The following STK11 variants were observed in gnomAD, a reference collection of about 807,000 sequenced individuals.
STK11 encodes the protein serine/threonine kinase 11.
A neutral mutation model predicts 47.3 loss-of-function variants in STK11; 8 were observed. The observed-to-expected ratio is 0.17, with a 90% CI of 0.10 to 0.31. The LOEUF is 0.31. Ranked by LOEUF, STK11 falls within the 10% of genes least tolerant of loss-of-function variation. The pLI, the probability that STK11 is intolerant of heterozygous loss-of-function variation, is 1.00. For synonymous variants in STK11, 330 were observed against 255.8 expected (o/e 1.29, Z -2.77); for missense variants, 475 against 605.0 (o/e 0.79, Z 2.25).
chr19:1,216,435 C>G lies in STK11; in HGVS notation c.291-1982C>G, dbSNP rs185190984. The stretch of plus-strand genomic sequence containing the variant: ...TCTCTACTAAAAATACAAAAATTAG[C>G]TGGGCGTGGTTGCGGGCACCTGTAG... On this transcript the variant is annotated intron_variant, in intron 1 of 9. Coordinates refer to ENST00000326873, the MANE Select transcript of STK11 (RefSeq NM_000455.5). 1.6e-4 allele frequency: 26 copies of G among 159,746 alleles called. No homozygotes were observed. The East Asian group carries it at 3.6e-3, about 22-fold the overall frequency. 9.9% of individuals were successfully genotyped at this position (159,746 alleles called of 1,614,324 possible).
intron 3 of STK11, 99 bp downstream of exon 3, chr19:1,219,512 T>C: frequency 7.6e-7 from 1 of 1,307,342 alleles, no homozygotes; most frequent in Non-Finnish European, 1.0e-6. Context: ...TGATATTCAT[T>C]GACATGAAGG....
At chr19:1,215,117 G>A (rs960057206) in intron 1 of STK11, among the ~76,000 whole-genome samples, 4 of 152,154 alleles carry the variant, frequency 2.6e-5, no homozygotes, top group East Asian at 1.9e-4. Flanking sequence ...GGCCCACCCC[G>A]AGCTCTCCTG....
In STK11 at chr19:1,218,845, C is replaced by T. The variant is rs546343180; in HGVS notation, c.374+345C>T. Among the ~76,000 whole-genome samples, 28 of 152,336 alleles carry T rather than the reference C, an allele frequency of 1.8e-4. 2 individuals carry two copies. In the South Asian group the frequency reaches 5.6e-3, roughly 30 times the overall value. ...CCATTTTGGTCGTGGCTGGGCGTGT[C>T]CTCGTGTCATCTGTGGACACCCCCA... On this transcript the variant is annotated intron_variant, in intron 2 of 9. Coordinates refer to ENST00000326873, the MANE Select transcript of STK11 (RefSeq NM_000455.5).
In STK11 at chr19:1,226,439, C is replaced by T. The variant is rs1057520799; in HGVS notation, c.1109-15C>T. 1.2e-6 allele frequency: 2 copies of T among 1,607,680 alleles called. No homozygotes were observed. Among genetic ancestry groups the T allele is most frequent in the South Asian group, 2.2e-5 (2 of 90,104 alleles). On this transcript the variant is annotated splice_polypyrimidine_tract_variant and intron_variant, in intron 8 of 9. Coordinates refer to ENST00000326873, the MANE Select transcript of STK11 (RefSeq NM_000455.5). ...CGCCCCTCAGCTCAGGCCACACTTGCCGTCTCCCTCCCAGGACAGGTCCCA... is the reference window on the plus strand; with the variant it reads ...CGCCCCTCAGCTCAGGCCACACTTGTCGTCTCCCTCCCAGGACAGGTCCCA...
At chr19:1,223,501 C>A in intron 8 of STK11, 2 of 892,488 alleles carry the variant, frequency 2.2e-6, no homozygotes, top group Non-Finnish European at 1.5e-6. Flanking sequence ...GCCCCAGGGT[C>A]GGGGGAGGGT....
intron 1 of STK11, among the ~76,000 whole-genome samples, chr19:1,209,498 C>T (rs1224042251): frequency 6.6e-6 from 1 of 152,078 alleles, no homozygotes; most frequent in Non-Finnish European, 1.5e-5. Context: ...CAGAACATTG[C>T]TGGAGCCTGG....
intron 1 of STK11, among the ~76,000 whole-genome samples, chr19:1,207,890 TGGGCATCCC>T (rs1403585296): frequency 6.6e-6 from 1 of 152,178 alleles, no homozygotes; most frequent in Non-Finnish European, 1.5e-5. Context: ...GGGCTGCCGC[TGGGCATCCC>T]GGACGCCTCT....
At chr19:1,219,439 G>T in intron 3 of STK11, 26 bp downstream of exon 3, 1 of 1,544,834 alleles carries the variant, frequency 6.5e-7, no homozygotes, top group Non-Finnish European at 8.7e-7. Flanking sequence ...AGGGGCCAGG[G>T]TGGGGCGGGG....
chr19:1,219,632 G>A (rs1288431077), intron 3 of STK11, among the ~76,000 whole-genome samples: 3 of 151,904 alleles, frequency 2.0e-5, no homozygotes, highest in Admixed American at 6.6e-5. Context: ...TGCAAGCTCC[G>A]CCTCCGAGGT....
chr19:1,225,416 C>A, intron 8 of STK11: 1 of 774,678 alleles, frequency 1.3e-6, no homozygotes, highest in Non-Finnish European at 1.6e-6. Context: ...ATTACAAGTG[C>A]GCGCCAGCAT....
At position 1,226,016 on chromosome 19, in the gene STK11, T is replaced by C. The variant is rs535583713; in HGVS notation, c.1109-438T>C. ...GTGCTGGCATTTCGCGTGCCTGGCC[T>C]GAGCCTGGCCCGAGCCTGGCCCTCC... On this transcript the variant is annotated intron_variant, in intron 8 of 9. Coordinates refer to ENST00000326873, the MANE Select transcript of STK11 (RefSeq NM_000455.5). 19 of 1,012,522 alleles carry C rather than the reference T, an allele frequency of 1.9e-5. No homozygotes were observed. The African/African-American group carries it at 2.8e-4, about 15-fold the overall frequency. The allele number at this position is 1,012,522 out of a possible 1,614,324, so 62.7% of individuals were successfully genotyped here. A position where few individuals can be genotyped will look rare whatever the true frequency, so the allele number is the denominator to read the frequency against.
At chr19:1,221,817 G>A in intron 6 of STK11, 132 bp from the exon 7 acceptor site, 1 of 1,031,250 alleles carries the variant, frequency 9.7e-7, no homozygotes, top group Non-Finnish European at 1.4e-6. Context: ...GAGACCGCCT[G>A]TGCGCGGGGT....
At chr19:1,223,676 C>T (rs955100705) in intron 8 of STK11, 25 of 1,047,114 alleles carry the variant, frequency 2.4e-5, no homozygotes, top group East Asian at 5.7e-5. Flanking sequence ...TAGAGCGGAG[C>T]GCGGCTTGCA....
At chr19:1,223,844 CTGGGCCG>C in intron 8 of STK11, 1 of 1,026,252 alleles carries the variant, frequency 9.7e-7, no homozygotes, top group South Asian at 4.6e-5. Context: ...CGGCCCAGGG[CTGGGCCG>C]TGTCATAAAG....
At chr19:1,225,588 T>C (rs1258226865) in intron 8 of STK11, 1 of 985,522 alleles carries the variant, frequency 1.0e-6, no homozygotes. Flanking sequence ...TTTTTAAAGC[T>C]AGTGACTTCC....
chr19:1,207,293 C>G, intron 1 of STK11, 90 bp downstream of exon 1: 2 of 1,470,900 alleles, frequency 1.4e-6, no homozygotes, highest in Non-Finnish European at 1.8e-6. Context: ...CCCTCCCTCC[C>G]TTACTTCCTC....
rs863224362 is a variant in STK11, at chr19:1,222,977, G to A, written c.921-8G>A. On this transcript the variant is annotated splice_polypyrimidine_tract_variant and splice_region_variant and intron_variant, in intron 7 of 9. Coordinates refer to ENST00000326873, the MANE Select transcript of STK11 (RefSeq NM_000455.5). ...CTGACAGGCGCCACTGCTTCTGGGC[G>A]TTTGCAGCTGGTTCCGGAAGAAACA... is the stretch of plus-strand genomic sequence containing the variant. 2.1e-5 allele frequency: 33 copies of A among 1,541,568 alleles called. No individual in the cohort carries two copies. The highest frequency in any genetic ancestry group is 1.7e-4 in the Middle Eastern group (1 of 5,888).
At chr19:1,224,155 T>C (rs1599930306) in intron 8 of STK11, 1 of 986,516 alleles carries the variant, frequency 1.0e-6, no homozygotes, top group African/African-American at 1.8e-5. Flanking sequence ...GAGAGTACAG[T>C]GTGGGGGCCC....
intron 1 of STK11, among the ~76,000 whole-genome samples, chr19:1,208,607 CTTTTTTTTT>C (rs71174355): frequency 1.1e-4 from 4 of 37,788 alleles, no homozygotes; most frequent in East Asian, 1.2e-3. Flanking sequence ...CGCGTGCGGC[CTTTTTTTTT>C]TTTTTTTTTT....
Sources: gnomAD v4.1 joint callset for allele counts (sites outside exome capture counted in the v4.1 genomes callset) on GRCh38, gnomAD v4.1.1 for gene constraint, MANE v1.5 for transcripts, NCBI Gene and HGNC (gene_info 2026-07-23, HGNC 2026-07-21) for gene names.